The following VPS4A variants were observed in gnomAD, a reference collection of about 807,000 sequenced individuals.
VPS4A encodes vacuolar protein sorting 4 homolog A.
VPS4A carries 20 observed loss-of-function variants against 52.3 expected under a neutral mutation model. The ratio of observed to expected loss-of-function variants is 0.38; its 90% CI spans 0.27 to 0.56. The LOEUF (loss-of-function observed/expected upper bound fraction) is 0.56, where lower values mean the gene tolerates loss of function less well. Ranked by LOEUF, VPS4A falls within the 20% of genes least tolerant of loss-of-function variation. The probability of loss-of-function intolerance (pLI) is 0.72; values close to 1 mark genes in which losing one functional copy is unlikely to be tolerated. For missense variants in VPS4A, 419 were observed against 575.9 expected, an observed-to-expected ratio of 0.73 and a Z score of 2.79; for synonymous variants, 293 against 227.7, an observed-to-expected ratio of 1.29 and a Z score of -2.58.
chr16:69,319,307 T>C (rs1296847951), intron 5 of VPS4A, 80 bp from the exon 6 acceptor site: 6 of 1,565,970 alleles, frequency 3.8e-6, no homozygotes, highest in Admixed American at 1.8e-5. Flanking sequence ...TTTTACTGTA[T>C]GTATGGGACT....
chr16:69,320,009 A>ACGTTTTC lies in VPS4A; in HGVS notation c.621-129_621-123dup. 7.8e-7 allele frequency: 1 copy of ACGTTTTC among 1,277,452 alleles called. No individual in the cohort carries two copies. Among genetic ancestry groups the ACGTTTTC allele is most frequent in the African/African-American group, 1.5e-5 (1 of 66,962 alleles). The allele number at this position is 1,277,452 out of a possible 1,614,324, so 79.1% of individuals were successfully genotyped here. The stretch of plus-strand genomic sequence containing the variant: ...TGTGGCCCGAGGGCTCCTCACCACC[A>ACGTTTTC]CGTTTTCCGCAATTCCGGCATGACC... On this transcript the variant is annotated intron_variant, in intron 6 of 10. Coordinates refer to ENST00000254950, the MANE Select transcript of VPS4A (RefSeq NM_013245.3). The surrounding 1 kb of genome is among the most constrained non-coding windows in gnomAD (Gnocchi z 4.2).
Position 69,316,087 on chromosome 16 carries a change from A to T in VPS4A, c.101A>T (p.His34Leu), listed in dbSNP as rs776771864. 1 of 1,613,500 alleles carries T rather than the reference A, an allele frequency of 6.2e-7. No individual in the cohort carries two copies. Among genetic ancestry groups the T allele is most frequent in the South Asian group, 1.1e-5 (1 of 91,086 alleles). Reference sequence around the variant, plus strand: ...GAGGAGGCGCTGCGGCTGTACCAGCATGCGGTGGAGTACTTCCTCCACGCT... The same window carrying T: ...GAGGAGGCGCTGCGGCTGTACCAGCTTGCGGTGGAGTACTTCCTCCACGCT... ...NYEEALRLYQHAVEYFLHAIK... is the reference protein window; with the variant it reads ...NYEEALRLYQLAVEYFLHAIK... The change falls in exon 2 of 11, where the codon CAT becomes CTT. Residue 34 changes from histidine to leucine, a missense_variant. His to Leu is a moderately conservative substitution (Grantham distance 99, BLOSUM62 -3). Around this residue, in one of 3 missense-constraint regions of VPS4A, gnomAD observed 131 missense variants for 165.4 expected, o/e 0.79. Coordinates refer to ENST00000254950, the MANE Select transcript of VPS4A (RefSeq NM_013245.3).
At position 69,320,981 on chromosome 16, in the gene VPS4A, C is replaced by T. The variant is rs1965502560; in HGVS notation, c.852-70C>T. On this transcript the variant is annotated intron_variant, in intron 8 of 10. Coordinates refer to ENST00000254950, the MANE Select transcript of VPS4A (RefSeq NM_013245.3). This position sits in a 1 kb window ranked among gnomAD's most constrained non-coding sequence, Gnocchi z 4.2. The stretch of plus-strand genomic sequence containing the variant: ...AATGCGTCCGTTTCACTCAAATCTT[C>T]GTGCCTCCCCTTCCGTGAATACCAT... 17 of 1,460,204 alleles carry T rather than the reference C, an allele frequency of 1.2e-5. No individual in the cohort carries two copies. Among genetic ancestry groups the T allele is most frequent in the Non-Finnish European group, 1.5e-5 (16 of 1,067,014 alleles). The allele number at this position is 1,460,204 out of a possible 1,614,324, so 90.5% of individuals were successfully genotyped here.
Position 69,319,397 on chromosome 16 carries a change from C to G in VPS4A, c.474C>G (p.Thr158=). 2 of 1,613,930 alleles carry G rather than the reference C, an allele frequency of 1.2e-6. No homozygotes were observed. Among genetic ancestry groups the G allele is most frequent in the Non-Finnish European group, 1.7e-6 (2 of 1,179,832 alleles). ...KFPHLFTGKR[T]PWRGILLFGP... is the part of the protein sequence containing the mutation. ...GGTTCTCTGTTGCAGGCAAGCGCACCCCCTGGCGGGGGATTCTGCTGTTCG... is the reference window on the plus strand; with the variant it reads ...GGTTCTCTGTTGCAGGCAAGCGCACGCCCTGGCGGGGGATTCTGCTGTTCG... The change falls in exon 6 of 11, where the codon ACC becomes ACG. Residue 158 remains threonine, a synonymous_variant. Transcript: ENST00000254950.
At position 69,324,422 on chromosome 16, in the gene VPS4A, G is replaced by C. The variant is rs540629320; in HGVS notation, c.*113G>C. 198 of 1,170,250 alleles carry C rather than the reference G, an allele frequency of 1.7e-4. No individual in the cohort carries two copies. The South Asian group carries it at 2.6e-3, about 15-fold the overall frequency. 72.5% of individuals were successfully genotyped at this position (1,170,250 alleles called of 1,614,324 possible). The stretch of plus-strand genomic sequence containing the variant: ...CAGGGCTTGTCCCAGTCAATACAGA[G>C]TTCCCTCTGCTGTCTGGCCGTCTGC... On this transcript the variant is annotated 3_prime_UTR_variant, in exon 11 of 11. Coordinates refer to ENST00000254950, the MANE Select transcript of VPS4A (RefSeq NM_013245.3).
chr16:69,324,221 G>C lies in VPS4A; in HGVS notation c.1226G>C (p.Arg409Pro). 6.2e-7 allele frequency: 1 copy of C among 1,613,500 alleles called. No homozygotes were observed. ...EPVVCMSDML[R>P]SLATTRPTVN... ...TTGCCTTCACAGTCGGACATGCTGCGGTCTCTGGCCACCACCCGGCCCACG... is the reference window on the plus strand; with the variant it reads ...TTGCCTTCACAGTCGGACATGCTGCCGTCTCTGGCCACCACCCGGCCCACG... Residue 409 changes from arginine to proline, a missense_variant, in exon 11 of 11, where the codon CGG (arginine) becomes CCG (proline). Physicochemically the swap from Arg to Pro is moderately radical, Grantham distance 103 (BLOSUM62 -2). This residue lies in a region of VPS4A where 185 missense variants were observed against 200.2 expected (regional missense o/e 0.92). Coordinates refer to ENST00000254950, the MANE Select transcript of VPS4A (RefSeq NM_013245.3).
rs1227914025 is a variant in VPS4A at position 69,321,391 on chromosome 16, C to G, written c.1071+121C>G. 1 of 1,120,352 alleles carries G rather than the reference C, an allele frequency of 8.9e-7. No individual in the cohort carries two copies. The highest frequency in any genetic ancestry group is 1.3e-6 in the Non-Finnish European group (1 of 793,218). The allele number at this position is 1,120,352 out of a possible 1,614,324, so 69.4% of individuals were successfully genotyped here. ...TCAGGTGACACAGTCTCTGAGGCCT[C>G]CTGGAGAGCCGAGGGCCAGTGCCAT... On this transcript the variant is annotated intron_variant, in intron 9 of 10. Coordinates refer to ENST00000254950, the MANE Select transcript of VPS4A (RefSeq NM_013245.3). The surrounding 1 kb of genome is among the most constrained non-coding windows in gnomAD (Gnocchi z 4.5).
At chr16:69,323,082 GTCTTCT>G in intron 10 of VPS4A, 1 of 164,472 alleles carries the variant, frequency 6.1e-6, no homozygotes, top group Non-Finnish European at 1.3e-5. Flanking sequence ...ATAAAAAATA[GTCTTCT>G]TCTATGTCCT....
chr16:69,324,139 TGTGTGCTGAGGGGAG>T, intron 10 of VPS4A, 54 bp from the exon 11 acceptor site: 1 of 1,495,938 alleles, frequency 6.7e-7, no homozygotes, highest in South Asian at 1.2e-5. Context: ...CTGCGCCTGT[TGTGTGCTGAGGGGAG>T]GTTGGGGACC....
intron 1 of VPS4A, among the ~76,000 whole-genome samples, chr16:69,311,814 C>A (rs1965381252): frequency 6.6e-6 from 1 of 152,264 alleles, no homozygotes; most frequent in South Asian, 2.1e-4. Context: ...TCAGCCTCAC[C>A]CGAGCCGCAC....
At chr16:69,323,436 T>TG (rs1356873230) in intron 10 of VPS4A, 10 of 318,386 alleles carry the variant, frequency 3.1e-5, no homozygotes, top group Middle Eastern at 4.0e-4. Flanking sequence ...AAGCATGAGC[T>TG]GAGCCACCAC....
intron 9 of VPS4A, chr16:69,322,305 AATGTC>A: frequency 5.6e-6 from 2 of 359,866 alleles, no homozygotes; most frequent in Non-Finnish European, 1.0e-5. Flanking sequence ...TCACACTTTT[AATGTC>A]ACTGTATTCC....
intron 1 of VPS4A, 104 bp from the exon 2 acceptor site, chr16:69,315,904 C>G (rs1965430295): frequency 3.3e-6 from 3 of 919,142 alleles, no homozygotes; most frequent in Non-Finnish European, 5.0e-6. Flanking sequence ...AATAAATCCA[C>G]AGGCCCAGCG....
chr16:69,314,620 CT>C (rs1200593870), intron 1 of VPS4A, among the ~76,000 whole-genome samples: 1 of 152,180 alleles, frequency 6.6e-6, no homozygotes, highest in African/African-American at 2.4e-5. Context: ...GCACTCACCC[CT>C]CTTCTCATCT....
chr16:69,324,470 T>C lies in VPS4A; in HGVS notation c.*161T>C. ...TGCCAGGGAGCCAGAAGGAAGGGCC[T>C]TGCAGCCACAGAGACACTCCACTGC... On this transcript the variant is annotated 3_prime_UTR_variant, in exon 11 of 11. Transcript: ENST00000254950. The C allele has an allele frequency of 1.4e-6, 1 of 730,902 alleles. No individual in the cohort carries two copies. The highest frequency in any genetic ancestry group is 2.3e-6 in the Non-Finnish European group (1 of 436,420). The allele number at this position is 730,902 out of a possible 1,614,324, so 45.3% of individuals were successfully genotyped here. A position where few individuals can be genotyped will look rare whatever the true frequency, so the allele number is the denominator to read the frequency against.
intron 2 of VPS4A, 49 bp from the exon 3 acceptor site, chr16:69,316,176 G>A: frequency 1.2e-6 from 2 of 1,612,508 alleles, no homozygotes; most frequent in Non-Finnish European, 1.7e-6. Flanking sequence ...CGGAGGAGAG[G>A]GGGTGGCGCA....
In VPS4A at chr16:69,319,022, C is replaced by T. The variant is rs551171813; in HGVS notation, c.463+80C>T. 2,811 of 1,559,166 alleles carry T rather than the reference C, an allele frequency of 1.8e-3. 4 individuals carry two copies. The highest frequency in any genetic ancestry group is 3.3e-3 in the Middle Eastern group (18 of 5,478). On this transcript the variant is annotated intron_variant, in intron 5 of 10. Coordinates refer to ENST00000254950, the MANE Select transcript of VPS4A (RefSeq NM_013245.3). ...CTGGCACTCCGAGGCACCCGGGAGT[C>T]AGTGGCGACTCAGCCCCCGGGGCCT...
chr16:69,311,603 G>A (rs1416502592), intron 1 of VPS4A, 71 bp downstream of exon 1: 2 of 1,227,410 alleles, frequency 1.6e-6, no homozygotes, highest in East Asian at 6.9e-5. Context: ...GAGCCGGGCG[G>A]CGGGCGGGTG....
chr16:69,322,470 A>G, intron 9 of VPS4A, 90 bp from the exon 10 acceptor site: 1 of 1,389,574 alleles, frequency 7.2e-7, no homozygotes, highest in Non-Finnish European at 9.5e-7. Flanking sequence ...CCCACAGAGC[A>G]TTCTCTTTGG....
Sources: allele counts gnomAD v4.1 joint callset (sites outside exome capture counted in the v4.1 genomes callset), GRCh38; gene constraint gnomAD v4.1.1; regional missense constraint gnomAD v4.1.1; non-coding constraint Gnocchi (gnomAD v3.1); transcripts MANE v1.5; gene names NCBI Gene and HGNC (gene_info 2026-07-23, HGNC 2026-07-21).